TENM4: variants seen among roughly 807,000 people sequenced by gnomAD.
TENM4 encodes the protein teneurin transmembrane protein 4, also known as teneurin-4.
In TENM4, 82 loss-of-function variants were observed where a neutral mutation model predicts 243.3. The observed-to-expected ratio is 0.34, with a 90% CI of 0.28 to 0.40. The LOEUF (loss-of-function observed/expected upper bound fraction) is 0.40. Ranked by LOEUF, TENM4 falls within the 10% of genes least tolerant of loss-of-function variation. The pLI, the probability that TENM4 is intolerant of heterozygous loss-of-function variation, is 1.00. For synonymous variants in TENM4, 1,412 were observed against 1,456.3 expected (o/e 0.97, Z 0.69); for missense variants, 3,138 against 3,673.3 (o/e 0.85, Z 3.77).
At chr11:79,429,217 A>G (rs1406475247) in intron 1 of TENM4, among the ~76,000 whole-genome samples, 1 of 152,168 alleles carries the variant, frequency 6.6e-6, no homozygotes, top group Admixed American at 6.5e-5. Flanking sequence ...TTCTATGTCT[A>G]CAGGCAACTT....
chr11:78,785,449 T>G (rs894273071), intron 16 of TENM4, among the ~76,000 whole-genome samples: 1 of 152,156 alleles, frequency 6.6e-6, no homozygotes, highest in Non-Finnish European at 1.5e-5. Context: ...ACCAGGACTT[T>G]ATCGTGCAAG....
intron 1 of TENM4, among the ~76,000 whole-genome samples, chr11:79,373,594 G>T (rs78340704): frequency 1.3e-5 from 2 of 152,128 alleles, no homozygotes; most frequent in African/African-American, 4.8e-5. Context: ...GCAAATAAAC[G>T]CAGTGAAGGA....
Position 78,853,527 on chromosome 11 carries a change from G to C in TENM4, c.1681+577C>G, listed in dbSNP as rs565917632. Among the ~76,000 whole-genome samples, 3 of 152,130 alleles carry C rather than the reference G, an allele frequency of 2.0e-5. No homozygotes were observed. The East Asian group carries it at 5.8e-4, about 29-fold the overall frequency. On this transcript the variant is annotated intron_variant, in intron 12 of 33. Transcript: ENST00000278550. Reference sequence around the variant, plus strand: ...AAGGTGTTAAGCACTCATTTATTTCGCACATCAGGGCCCACTCTTTGTCAG... The same window carrying C: ...AAGGTGTTAAGCACTCATTTATTTCCCACATCAGGGCCCACTCTTTGTCAG...
At chr11:78,797,637 A>C (rs1210705664) in intron 15 of TENM4, among the ~76,000 whole-genome samples, 1 of 152,216 alleles carries the variant, frequency 6.6e-6, no homozygotes, top group African/African-American at 2.4e-5. Context: ...TCTTTGATTA[A>C]ATGTTAGGAA....
chr11:79,085,028 T>A (rs1860771574), intron 4 of TENM4, among the ~76,000 whole-genome samples: 1 of 152,164 alleles, frequency 6.6e-6, no homozygotes, highest in Admixed American at 6.5e-5. Context: ...TTGTTATTTC[T>A]TATAATTGCA....
At chr11:79,398,737 T>TAA (rs5792854) in intron 1 of TENM4, among the ~76,000 whole-genome samples, 1,387 of 102,716 alleles carry the variant, frequency 0.014, 21 homozygotes, top group Non-Finnish European at 0.016. Flanking sequence ...TCAGATGCTT[T>TAA]AAAAAAAAAA....
intron 19 of TENM4, among the ~76,000 whole-genome samples, chr11:78,751,577 G>T (rs1191854407): frequency 1.3e-5 from 2 of 152,098 alleles, no homozygotes; most frequent in Non-Finnish European, 1.5e-5. Context: ...ATCTATATTT[G>T]AATAACCTGG....
chr11:79,228,335 A>G (rs1302666541), intron 2 of TENM4, among the ~76,000 whole-genome samples: 2 of 152,156 alleles, frequency 1.3e-5, no homozygotes, highest in African/African-American at 4.8e-5. Context: ...GTGGCCTTTT[A>G]TTGACTGACC....
intron 4 of TENM4, among the ~76,000 whole-genome samples, chr11:79,104,041 G>T (rs1861300075): frequency 6.6e-6 from 1 of 152,064 alleles, no homozygotes; most frequent in African/African-American, 2.4e-5. Context: ...GATTTCATTT[G>T]GGTCTCTCTT....
At chr11:79,118,383 C>T (rs1055256600) in intron 4 of TENM4, among the ~76,000 whole-genome samples, 7 of 152,186 alleles carry the variant, frequency 4.6e-5, no homozygotes, top group Non-Finnish European at 7.3e-5. Context: ...CCTTTTAAAA[C>T]ATTGAGGTAA....
chr11:78,686,118 G>A (rs1264116412), intron 29 of TENM4, among the ~76,000 whole-genome samples: 1 of 152,180 alleles, frequency 6.6e-6, no homozygotes, highest in African/African-American at 2.4e-5. Context: ...CTGGAGGAAG[G>A]AATGAGTGCT....
chr11:79,297,455 T>A (rs1201203452), intron 2 of TENM4, 33 bp downstream of exon 2: 1 of 152,648 alleles, frequency 6.6e-6, no homozygotes, highest in Non-Finnish European at 1.5e-5. Flanking sequence ...AAGCATATCT[T>A]GTTTTGGGTT....
chr11:78,833,550 A>G (rs1858029109), intron 12 of TENM4, among the ~76,000 whole-genome samples: 1 of 152,256 alleles, frequency 6.6e-6, no homozygotes, highest in African/African-American at 2.4e-5. Context: ...TCATCTGCCC[A>G]GAGCCCTTGC....
At chr11:78,696,668 T>C (rs1229240727) in intron 28 of TENM4, among the ~76,000 whole-genome samples, 1 of 152,222 alleles carries the variant, frequency 6.6e-6, no homozygotes, top group Non-Finnish European at 1.5e-5. Flanking sequence ...AGAGGGTTTT[T>C]TTCCCTCAAG....
chr11:79,396,285 ATCCTAGCTTCTTATCTCT>A (rs1231780409), intron 1 of TENM4, among the ~76,000 whole-genome samples: 1 of 152,154 alleles, frequency 6.6e-6, no homozygotes, highest in African/African-American at 2.4e-5. Flanking sequence ...GTCTTACCCC[ATCCTAGCTTCTTATCTCT>A]CATGGTTCTT....
chr11:79,311,548 T>C (rs944905424), intron 1 of TENM4, among the ~76,000 whole-genome samples: 3 of 152,224 alleles, frequency 2.0e-5, no homozygotes, highest in African/African-American at 7.2e-5. Flanking sequence ...GCTGATATTT[T>C]ACAAGCCCAC....
At chr11:78,824,288 G>A (rs1857801329) in intron 12 of TENM4, among the ~76,000 whole-genome samples, 1 of 152,146 alleles carries the variant, frequency 6.6e-6, no homozygotes, top group African/African-American at 2.4e-5. Flanking sequence ...GAAGCTTAGA[G>A]GCATGGTGGA....
chr11:79,127,900 G>C (rs1163454079), intron 4 of TENM4, among the ~76,000 whole-genome samples: 1 of 152,196 alleles, frequency 6.6e-6, no homozygotes. Flanking sequence ...TGCTGCATTT[G>C]ACCCCTCCTA....
At chr11:78,975,118 G>C (rs537603006) in intron 6 of TENM4, among the ~76,000 whole-genome samples, 39 of 144,618 alleles carry the variant, frequency 2.7e-4, no homozygotes, top group Non-Finnish European at 2.4e-4. Context: ...CATGGGTGAA[G>C]GAGACAAGCA....
Sources: allele counts gnomAD v4.1 joint callset (sites outside exome capture counted in the v4.1 genomes callset), GRCh38; gene constraint gnomAD v4.1.1; transcripts MANE v1.5; gene names NCBI Gene and HGNC (gene_info 2026-07-23, HGNC 2026-07-21).